Variants in KCNG2 observed in about 807,000 individuals in gnomAD.
KCNG2 encodes the protein voltage-gated potassium channel regulatory subunit KCNG2.
Under a neutral mutation model 12.3 loss-of-function variants are expected in KCNG2, and 7 were observed. The observed-to-expected ratio is 0.57, with a 90% CI of 0.32 to 1.07. The LOEUF is 1.07. Among genes scored for constraint, KCNG2 ranks in the 50% least tolerant of loss-of-function variants. The pLI is 0.04. For missense variants in KCNG2, 703 were observed against 726.0 expected, an observed-to-expected ratio of 0.97 and a Z score of 0.36; for synonymous variants, 414 against 351.4, an observed-to-expected ratio of 1.18 and a Z score of -1.99.
chr18:79,874,361 C>T (rs3809929), intron 3 of KCNG2, among the ~76,000 whole-genome samples: 95,950 of 152,130 alleles, frequency 0.63, 35,044 homozygotes, highest in Non-Finnish European at 0.82. Context: ...GGAGCAGCAC[C>T]GTCACAGCGG....
Position 79,860,940 on chromosome 18 carries a change from G to A in KCNG2, c.-40-2688G>A, listed in dbSNP as rs571504217. Among the ~76,000 whole-genome samples the A allele has an allele frequency of 2.6e-5, 4 of 152,272 alleles. No homozygotes were observed. In the South Asian group the frequency reaches 6.2e-4, roughly 24 times the overall value. On this transcript the variant is annotated intron_variant, in intron 2 of 3. Transcript: ENST00000316249. ...TTTCACCGTTGACTATGGAGTTAGC[G>A]GTGAGTTTTTCCTACGTGGACCTTG...
chr18:79,896,119 C>G (rs1352875937), intron 3 of KCNG2, among the ~76,000 whole-genome samples: 2 of 152,198 alleles, frequency 1.3e-5, no homozygotes, highest in Non-Finnish European at 2.9e-5. Context: ...GCGCATGCCA[C>G]CACACCCAGC....
intron 3 of KCNG2, among the ~76,000 whole-genome samples, chr18:79,894,760 T>G (rs1224515238): frequency 6.6e-6 from 1 of 150,858 alleles, no homozygotes; most frequent in African/African-American, 2.4e-5. Context: ...TTGATATAGT[T>G]GGGTCTGTGT....
At chr18:79,826,906 G>T (rs189725832) in intron 1 of KCNG2, among the ~76,000 whole-genome samples, 1 of 152,360 alleles carries the variant, frequency 6.6e-6, no homozygotes, top group African/African-American at 2.4e-5. Context: ...TGATAAAATT[G>T]ATTGAAAAAG....
Position 79,806,331 on chromosome 18 carries a change from C to T in KCNG2, c.-115+8317C>T, listed in dbSNP as rs1177917704. ...GTCGGGGCATGGGGCCATCGGGAAG[C>T]CCCCTGAGCATTCATGGTCTCAGAC... On this transcript the variant is annotated intron_variant, in intron 1 of 3. Transcript: ENST00000316249. 2.6e-5 allele frequency among the ~76,000 whole-genome samples: 4 copies of T among 151,652 alleles called. No homozygotes were observed. In the East Asian group the frequency reaches 5.8e-4, roughly 22 times the overall value.
chr18:79,853,297 C>T (rs1415409179), intron 1 of KCNG2, among the ~76,000 whole-genome samples: 1 of 152,176 alleles, frequency 6.6e-6, no homozygotes, highest in African/African-American at 2.4e-5. Context: ...TGGGCTTCAG[C>T]GTGAACCAAG....
In KCNG2 at chr18:79,884,281, C is replaced by T. The variant is rs554241786; in HGVS notation, c.625-14759C>T. On this transcript the variant is annotated intron_variant, in intron 3 of 3. Transcript: ENST00000316249. The surrounding 1 kb of genome is among the most constrained non-coding windows in gnomAD (Gnocchi z 5.5). ...CCCCTCCCTGTGGGCCCCACACCTG[C>T]ACCCCCAAGAGAATTCGCCCCATCT... is the stretch of plus-strand genomic sequence containing the variant. Among the ~76,000 whole-genome samples, 6 of 152,158 alleles carry T rather than the reference C, an allele frequency of 3.9e-5. No individual in the cohort carries two copies. The South Asian group carries it at 8.3e-4, about 21-fold the overall frequency.
At chr18:79,896,478 CA>C (rs1980980226) in intron 3 of KCNG2, among the ~76,000 whole-genome samples, 2 of 152,184 alleles carry the variant, frequency 1.3e-5, no homozygotes, top group Admixed American at 1.3e-4. Flanking sequence ...GCTTCACTGT[CA>C]TTTCCTTAGA....
chr18:79,892,500 G>A (rs1038699098), intron 3 of KCNG2, among the ~76,000 whole-genome samples: 1 of 152,152 alleles, frequency 6.6e-6, no homozygotes, highest in Non-Finnish European at 1.5e-5. Context: ...CTTTTGATTG[G>A]GTTGTTCACT....
chr18:79,869,344 C>T (rs907735392), intron 3 of KCNG2, among the ~76,000 whole-genome samples: 3 of 152,172 alleles, frequency 2.0e-5, no homozygotes, highest in Non-Finnish European at 2.9e-5. Flanking sequence ...AAATAGGAAG[C>T]CTCAGTTATG....
At chr18:79,805,615 G>A (rs909929921) in intron 1 of KCNG2, among the ~76,000 whole-genome samples, 14 of 151,376 alleles carry the variant, frequency 9.2e-5, no homozygotes, top group African/African-American at 3.4e-4. Context: ...CACATTTCTC[G>A]CCTTCGGGTC....
chr18:79,811,912 A>G (rs917098076), intron 1 of KCNG2, among the ~76,000 whole-genome samples: 1 of 152,214 alleles, frequency 6.6e-6, no homozygotes, highest in Non-Finnish European at 1.5e-5. Flanking sequence ...AAATTACCCA[A>G]CATCAACAGA....
chr18:79,817,923 G>A (rs977612428), intron 1 of KCNG2, among the ~76,000 whole-genome samples: 3 of 152,232 alleles, frequency 2.0e-5, no homozygotes, highest in African/African-American at 7.2e-5. Flanking sequence ...CTGTGAGGTG[G>A]TGAATTGGGC....
intron 1 of KCNG2, among the ~76,000 whole-genome samples, chr18:79,804,400 A>G (rs760676283): frequency 5.3e-5 from 8 of 152,202 alleles, no homozygotes; most frequent in Non-Finnish European, 1.0e-4. Context: ...CTCAGCACCC[A>G]GGCCACACAC....
intron 3 of KCNG2, among the ~76,000 whole-genome samples, chr18:79,872,031 A>G (rs1979853613): frequency 6.6e-6 from 1 of 152,034 alleles, no homozygotes; most frequent in South Asian, 2.1e-4. Flanking sequence ...GGCCGGCCGC[A>G]CACCCCTCAG....
In KCNG2 at chr18:79,874,726, G is replaced by A. The variant is rs529960011; in HGVS notation, c.624+10435G>A. Among the ~76,000 whole-genome samples the A allele has an allele frequency of 2.0e-4, 30 of 152,338 alleles. 1 individual carries two copies. The South Asian group carries it at 5.6e-3, about 28-fold the overall frequency. On this transcript the variant is annotated intron_variant, in intron 3 of 3. Transcript: ENST00000316249. ...TGGGGTCTCCAAGGTGGAAGCTGGT[G>A]CATCTCCGCTCCCTCCTCTCCAGGA...
At chr18:79,879,376 G>A (rs1420247571) in intron 3 of KCNG2, among the ~76,000 whole-genome samples, 1 of 152,184 alleles carries the variant, frequency 6.6e-6, no homozygotes, top group Non-Finnish European at 1.5e-5. Flanking sequence ...GGGAAAGAAT[G>A]GAGCCTGAAA....
Position 79,863,610 on chromosome 18 carries a change from G to T in KCNG2, c.-40-18G>T. The T allele has an allele frequency of 8.4e-7, 1 of 1,187,210 alleles. No individual in the cohort carries two copies. The highest frequency in any genetic ancestry group is 3.5e-4 in the Middle Eastern group (1 of 2,896). The allele number at this position is 1,187,210 out of a possible 1,614,324, so 73.5% of individuals were successfully genotyped here. A position where few individuals can be genotyped will look rare whatever the true frequency, so the allele number is the denominator to read the frequency against. ...AGCTCAGCCCTCGCGACCCTAACGCGGTCCGTTCCTTTTGCAGGAGCCGGG... is the reference window on the plus strand; with the variant it reads ...AGCTCAGCCCTCGCGACCCTAACGCTGTCCGTTCCTTTTGCAGGAGCCGGG... On this transcript the variant is annotated intron_variant, in intron 2 of 3. Transcript: ENST00000316249.
At chr18:79,804,442 C>T (rs2122987815) in intron 1 of KCNG2, among the ~76,000 whole-genome samples, 1 of 152,366 alleles carries the variant, frequency 6.6e-6, no homozygotes, top group Middle Eastern at 3.4e-3. Flanking sequence ...AGTGCTGCGT[C>T]AGAGGCCCAG....
Sources: allele counts gnomAD v4.1 joint callset (sites outside exome capture counted in the v4.1 genomes callset), GRCh38; gene constraint gnomAD v4.1.1; non-coding constraint Gnocchi (gnomAD v3.1); transcripts MANE v1.5; gene names NCBI Gene and HGNC (gene_info 2026-07-23, HGNC 2026-07-21).